PIK3AP1: variants seen among roughly 807,000 people sequenced by gnomAD.
PIK3AP1 encodes phosphoinositide 3-kinase adapter protein 1.
A neutral mutation model predicts 88.1 loss-of-function variants in PIK3AP1; 21 were observed. That is an observed-to-expected ratio of 0.24 (90% confidence interval 0.17 to 0.34). PIK3AP1 has a LOEUF of 0.34. Ranked by LOEUF, PIK3AP1 falls within the 10% of genes least tolerant of loss-of-function variation. The probability of loss-of-function intolerance (pLI) is 1.00; values close to 1 mark genes in which losing one functional copy is unlikely to be tolerated. For missense variants in PIK3AP1, 828 were observed against 1,035.7 expected, an observed-to-expected ratio of 0.80 and a Z score of 2.75; for synonymous variants, 398 against 400.0, an observed-to-expected ratio of 1.00 and a Z score of 0.06.
intron 2 of PIK3AP1, among the ~76,000 whole-genome samples, chr10:96,665,641 C>T (rs939839983): frequency 6.6e-6 from 1 of 152,162 alleles, no homozygotes; most frequent in African/African-American, 2.4e-5. Context: ...GATGCAAGAA[C>T]TTTTCAGATT....
chr10:96,711,843 C>T (rs1844442455), intron 1 of PIK3AP1, among the ~76,000 whole-genome samples: 1 of 149,526 alleles, frequency 6.7e-6, no homozygotes, highest in Non-Finnish European at 1.5e-5. Context: ...CTCCGCCTCC[C>T]GGGTTCACGC....
chr10:96,667,237 C>T (rs972224856), intron 2 of PIK3AP1, among the ~76,000 whole-genome samples: 1 of 152,240 alleles, frequency 6.6e-6, no homozygotes, highest in African/African-American at 2.4e-5. Context: ...CCTCTTTTCA[C>T]TATACAATGT....
At chr10:96,630,884 G>A (rs920493169) in intron 8 of PIK3AP1, among the ~76,000 whole-genome samples, 4 of 152,076 alleles carry the variant, frequency 2.6e-5, no homozygotes, top group African/African-American at 9.7e-5. Context: ...TATTCTACAG[G>A]TGTGTGCCCT....
At chr10:96,625,700 T>G (rs948221422) in intron 10 of PIK3AP1, among the ~76,000 whole-genome samples, 2 of 152,178 alleles carry the variant, frequency 1.3e-5, no homozygotes, top group Non-Finnish European at 2.9e-5. Context: ...AACAACATGA[T>G]GATACCATTG....
intron 2 of PIK3AP1, among the ~76,000 whole-genome samples, chr10:96,690,397 G>C (rs1027160279): frequency 6.6e-6 from 1 of 151,864 alleles, no homozygotes; most frequent in African/African-American, 2.4e-5. Flanking sequence ...TGAGTAGCTG[G>C]GACTATAGGT....
At chr10:96,671,405 T>C (rs1843844603) in intron 2 of PIK3AP1, among the ~76,000 whole-genome samples, 1 of 152,174 alleles carries the variant, frequency 6.6e-6, no homozygotes, top group Admixed American at 6.5e-5. Context: ...GGTCATTGGG[T>C]AGTGAATTTC....
chr10:96,659,404 G>T (rs1843656508), intron 2 of PIK3AP1, among the ~76,000 whole-genome samples: 1 of 152,144 alleles, frequency 6.6e-6, no homozygotes, highest in Non-Finnish European at 1.5e-5. Context: ...AACCTCTTTG[G>T]GATGGACCCA....
intron 13 of PIK3AP1, among the ~76,000 whole-genome samples, chr10:96,611,201 C>A (rs1397571287): frequency 6.6e-6 from 1 of 152,228 alleles, no homozygotes; most frequent in Non-Finnish European, 1.5e-5. Flanking sequence ...CAGGCACCAG[C>A]CTTCCTCATC....
At chr10:96,597,557 C>T (rs1490326344) in intron 16 of PIK3AP1, among the ~76,000 whole-genome samples, 2 of 152,010 alleles carry the variant, frequency 1.3e-5, no homozygotes, top group African/African-American at 4.8e-5. Flanking sequence ...AAGGGAGGTT[C>T]AGAACCTATA....
chr10:96,622,482 G>A (rs1386045684), intron 11 of PIK3AP1, among the ~76,000 whole-genome samples: 1 of 152,168 alleles, frequency 6.6e-6, no homozygotes, highest in Non-Finnish European at 1.5e-5. Flanking sequence ...AAAGAGAAAT[G>A]GCTGCACCGG....
chr10:96,614,973 AAG>A (rs1287029741), intron 13 of PIK3AP1, among the ~76,000 whole-genome samples: 2 of 152,192 alleles, frequency 1.3e-5, no homozygotes, highest in African/African-American at 2.4e-5. Flanking sequence ...GATATGTAAA[AAG>A]AGAGGATGCC....
Position 96,720,492 on chromosome 10 carries a change from C to G in PIK3AP1, c.-98G>C, listed in dbSNP as rs1276890914. 3.7e-6 allele frequency: 4 copies of G among 1,092,110 alleles called. No homozygotes were observed. Among genetic ancestry groups the G allele is most frequent in the Admixed American group, 9.1e-5 (2 of 21,934 alleles). The allele number at this position is 1,092,110 out of a possible 1,614,324, so 67.7% of individuals were successfully genotyped here. ...CTCGGGCTGGAGGGGCGCCGGGCTC[C>G]GCGCGGGACCGGCCGCCGCTCTGGC... On this transcript the variant is annotated 5_prime_UTR_variant, in exon 1 of 17. Coordinates refer to ENST00000339364, the MANE Select transcript of PIK3AP1 (RefSeq NM_152309.3). This position sits in a 1 kb window ranked among gnomAD's most constrained non-coding sequence, Gnocchi z 4.6.
intron 3 of PIK3AP1, 152 bp downstream of exon 3, chr10:96,656,646 C>T (rs1372015461): frequency 1.1e-5 from 12 of 1,131,082 alleles, no homozygotes; most frequent in African/African-American, 6.2e-5. Context: ...CTCCAGGGCC[C>T]GGGTAACAGG....
At chr10:96,651,111 C>T (rs1351804808) in intron 6 of PIK3AP1, 137 bp downstream of exon 6, 30 of 1,153,860 alleles carry the variant, frequency 2.6e-5, no homozygotes, top group Non-Finnish European at 3.5e-5. Flanking sequence ...AGAATGAGTC[C>T]TTATCACAGG....
chr10:96,596,543 T>C (rs985848587), intron 16 of PIK3AP1, among the ~76,000 whole-genome samples: 8 of 152,166 alleles, frequency 5.3e-5, no homozygotes. Context: ...GGAGACACAC[T>C]GTAGTAGGGA....
intron 8 of PIK3AP1, among the ~76,000 whole-genome samples, chr10:96,637,858 T>C (rs1050638654): frequency 6.6e-6 from 1 of 152,190 alleles, no homozygotes; most frequent in Non-Finnish European, 1.5e-5. Context: ...CATACACTCT[T>C]CTACTCCTGG....
chr10:96,647,949 C>T (rs1446051065), intron 7 of PIK3AP1, among the ~76,000 whole-genome samples: 1 of 152,148 alleles, frequency 6.6e-6, no homozygotes, highest in Admixed American at 6.5e-5. Context: ...GTGCGATCAG[C>T]CTCAAAGAAG....
rs79381749 is a variant in PIK3AP1, at chr10:96,719,461, C to G, written c.13+921G>C. ...ATACAAGTAAACCCATTTGTAAACACTGTAACTCTACCTCCTCTCATCTAG... is the reference window on the plus strand; with the variant it reads ...ATACAAGTAAACCCATTTGTAAACAGTGTAACTCTACCTCCTCTCATCTAG... On this transcript the variant is annotated intron_variant, in intron 1 of 16. Coordinates refer to ENST00000339364, the MANE Select transcript of PIK3AP1 (RefSeq NM_152309.3). Among the ~76,000 whole-genome samples, 1,383 of 152,298 alleles carry G rather than the reference C, an allele frequency of 9.1e-3. 23 individuals are homozygous for G. Among genetic ancestry groups the G allele is most frequent in the African/African-American group, 0.03 (1,250 of 41,552 alleles).
Position 96,709,904 on chromosome 10 carries a change from G to A in PIK3AP1, c.93C>T (p.Phe31=). 1 of 1,613,290 alleles carries A rather than the reference G, an allele frequency of 6.2e-7. No homozygotes were observed. The highest frequency in any genetic ancestry group is 8.5e-7 in the Non-Finnish European group (1 of 1,179,758). The change falls in exon 2 of 17, where the codon TTC becomes TTT. Residue 31 remains phenylalanine, a synonymous_variant. Coordinates refer to ENST00000339364, the MANE Select transcript of PIK3AP1 (RefSeq NM_152309.3). ...EEWCQYLQTL[F]LSSRQVRSQK... is the part of the protein sequence containing the mutation. ...GGCTGCGGACCTGCCGACTGGACAG[G>A]AACAGGGTCTGCAGGTACTGGCACC... is the stretch of plus-strand genomic sequence containing the variant.
Sources: allele counts gnomAD v4.1 joint callset (sites outside exome capture counted in the v4.1 genomes callset), GRCh38; gene constraint gnomAD v4.1.1; non-coding constraint Gnocchi (gnomAD v3.1); transcripts MANE v1.5; gene names NCBI Gene and HGNC (gene_info 2026-07-23, HGNC 2026-07-21).